Variants in OGDH observed in about 807,000 individuals in gnomAD.
OGDH encodes oxoglutarate dehydrogenase.
In OGDH, 38 loss-of-function variants were observed where a neutral mutation model predicts 116.6. That is an observed-to-expected ratio of 0.33 (90% CI 0.25 to 0.43). OGDH has a LOEUF of 0.43. Among genes scored for constraint, OGDH ranks in the 20% least tolerant of loss-of-function variants. The probability of loss-of-function intolerance (pLI) is 1.00; values close to 1 mark genes in which losing one functional copy is unlikely to be tolerated. For synonymous variants in OGDH, 488 were observed against 533.3 expected (o/e 0.92, Z 1.17); for missense variants, 825 against 1,357.2 (o/e 0.61, Z 6.16).
intron 4 of OGDH, among the ~76,000 whole-genome samples, chr7:44,657,639 C>T (rs1786750206): frequency 1.3e-5 from 2 of 152,156 alleles, no homozygotes; most frequent in South Asian, 4.1e-4. Flanking sequence ...AGCTTGATGA[C>T]ATCCAGTTTA....
At chr7:44,626,893 G>A (rs139885417) in intron 2 of OGDH, among the ~76,000 whole-genome samples, 6 of 152,308 alleles carry the variant, frequency 3.9e-5, no homozygotes, top group Non-Finnish European at 5.9e-5. Flanking sequence ...CATCCAGCAC[G>A]GACTTCATCA....
At chr7:44,674,069 C>A in intron 6 of OGDH, 128 bp downstream of exon 6, 1 of 1,061,840 alleles carries the variant, frequency 9.4e-7, no homozygotes, top group Non-Finnish European at 1.4e-6. Flanking sequence ...ACAGGCAAAG[C>A]TCCATCTGCA....
intron 10 of OGDH, among the ~76,000 whole-genome samples, chr7:44,686,833 G>A (rs568808616): frequency 7.6e-4 from 115 of 151,192 alleles, no homozygotes; most frequent in African/African-American, 2.7e-3. Context: ...GACTACAGGC[G>A]CCTGCCACCA....
chr7:44,667,486 CCT>C (rs763505460), intron 5 of OGDH, among the ~76,000 whole-genome samples: 4 of 152,174 alleles, frequency 2.6e-5, no homozygotes, highest in Non-Finnish European at 5.9e-5. Context: ...ACTCTTCTTT[CCT>C]CTCTCCCTCT....
intron 4 of OGDH, among the ~76,000 whole-genome samples, chr7:44,664,960 A>C (rs1787117336): frequency 6.6e-6 from 1 of 152,180 alleles, no homozygotes; most frequent in East Asian, 1.9e-4. Context: ...CAACCAATAC[A>C]CAGCGCTTAT....
chr7:44,653,806 G>T (rs550707446), intron 4 of OGDH, among the ~76,000 whole-genome samples: 2 of 151,308 alleles, frequency 1.3e-5, no homozygotes, highest in South Asian at 2.1e-4. Context: ...GATTACAGGC[G>T]TGAGCCACTG....
At position 44,697,725 on chromosome 7, in the gene OGDH, C is replaced by T. The variant is rs1788648609; in HGVS notation, c.2301C>T (p.Ala767=). Residue 767 remains alanine, a synonymous_variant, in exon 17 of 23, where the codon GCC becomes GCT. Coordinates refer to ENST00000222673, the MANE Select transcript of OGDH (RefSeq NM_002541.4). The surrounding 1 kb of genome is among the most constrained non-coding windows in gnomAD (Gnocchi z 6.0). ...ACCAGTTCATCTGCCCGGGACAAGC[C>T]AAGTGGGTGCGGCAGAATGGCATCG... ...IIDQFICPGQ[A]KWVRQNGIVL... is the part of the protein sequence containing the mutation. The T allele has an allele frequency of 2.5e-6, 4 of 1,614,112 alleles. No homozygotes were observed. In the South Asian group the frequency reaches 4.4e-5, roughly 18 times the overall value.
intron 1 of OGDH, among the ~76,000 whole-genome samples, chr7:44,616,596 T>C (rs1784776624): frequency 6.7e-6 from 1 of 149,798 alleles, no homozygotes; most frequent in Non-Finnish European, 1.5e-5. Context: ...TTGCCTTTTT[T>C]CCTAGGCTAC....
chr7:44,679,356 G>A (rs1166599766), intron 9 of OGDH, among the ~76,000 whole-genome samples: 1 of 152,140 alleles, frequency 6.6e-6, no homozygotes, highest in Non-Finnish European at 1.5e-5. Flanking sequence ...CCTCCAAGGG[G>A]GCCCCGTAAG....
chr7:44,631,845 C>T (rs1266902087), intron 2 of OGDH, among the ~76,000 whole-genome samples: 6 of 151,110 alleles, frequency 4.0e-5, no homozygotes, highest in Non-Finnish European at 8.8e-5. Flanking sequence ...TTCCCTCTTT[C>T]CTTTCTCTCT....
chr7:44,689,049 C>T (rs918461096), intron 10 of OGDH, among the ~76,000 whole-genome samples: 4 of 152,034 alleles, frequency 2.6e-5, no homozygotes, highest in African/African-American at 9.7e-5. Flanking sequence ...TGTGCCCAGC[C>T]TGTGTCTACA....
intron 20 of OGDH, among the ~76,000 whole-genome samples, chr7:44,705,054 T>C: frequency 8.3e-6 from 1 of 120,652 alleles, no homozygotes; most frequent in East Asian, 2.9e-4. Flanking sequence ...TAATTTTCTT[T>C]TTTTTTTTTT....
rs1787675023 is a variant in OGDH, at chr7:44,675,959, T to G, written c.1027-11T>G. 6.2e-7 allele frequency: 1 copy of G among 1,612,428 alleles called. No individual in the cohort carries two copies. The highest frequency in any genetic ancestry group is 8.5e-7 in the Non-Finnish European group (1 of 1,178,632). On this transcript the variant is annotated splice_polypyrimidine_tract_variant and intron_variant, in intron 8 of 22. Transcript: ENST00000222673. Reference sequence around the variant, plus strand: ...TTGGCCAGGGTGCAAATTCACTGTTTACCCCATCAGGGCTCCGGAGATGTG... The same window carrying G: ...TTGGCCAGGGTGCAAATTCACTGTTGACCCCATCAGGGCTCCGGAGATGTG...
At chr7:44,696,000 C>A in intron 12 of OGDH, 25 bp from the exon 13 acceptor site, 1 of 1,313,062 alleles carries the variant, frequency 7.6e-7, no homozygotes, top group Non-Finnish European at 1.1e-6. Context: ...GTGCCAGTCA[C>A]GCTGTGTTGT....
At chr7:44,693,778 G>A (rs1463780737) in intron 10 of OGDH, 47 bp from the exon 11 acceptor site, 1 of 1,520,542 alleles carries the variant, frequency 6.6e-7, no homozygotes, top group Non-Finnish European at 8.9e-7. Context: ...TGGTCCCTGT[G>A]CCGGCTGTGC....
chr7:44,686,046 C>CTTTTTTTTTTTTTTTTTTTTTTTTTT (rs947000633), intron 10 of OGDH, among the ~76,000 whole-genome samples: 1 of 144,836 alleles, frequency 6.9e-6, no homozygotes. Context: ...TTCTTTCTTT[C>CTTTTTTTTTTTTTTTTTTTTTTTTTT]TTTTTTTTTT....
chr7:44,670,071 C>T (rs1787366882), intron 5 of OGDH, among the ~76,000 whole-genome samples: 1 of 151,986 alleles, frequency 6.6e-6, no homozygotes, highest in South Asian at 2.1e-4. Flanking sequence ...CTGCCCTTTT[C>T]TCCTGGAGAC....
In OGDH at chr7:44,611,755, T is replaced by C. The variant is rs983951737; in HGVS notation, c.-28+5102T>C. Among the ~76,000 whole-genome samples, 95 of 152,104 alleles carry C rather than the reference T, an allele frequency of 6.2e-4. 1 individual carries two copies. Among genetic ancestry groups the C allele is most frequent in the African/African-American group, 2.2e-3 (92 of 41,528 alleles). The stretch of plus-strand genomic sequence containing the variant: ...ATTTTACATTTAAATCTATGATTCA[T>C]TTAGACTTAATTTCTTTTTTCTTTT... On this transcript the variant is annotated intron_variant, in intron 1 of 22. Coordinates refer to ENST00000222673, the MANE Select transcript of OGDH (RefSeq NM_002541.4).
At chr7:44,691,908 G>A (rs6978912) in intron 10 of OGDH, among the ~76,000 whole-genome samples, 9,503 of 149,804 alleles carry the variant, frequency 0.063, 370 homozygotes, top group Middle Eastern at 0.094. Flanking sequence ...GTGTGAACCC[G>A]GGAGGTGGAG....
Sources: allele counts gnomAD v4.1 joint callset (sites outside exome capture counted in the v4.1 genomes callset), GRCh38; gene constraint gnomAD v4.1.1; non-coding constraint Gnocchi (gnomAD v3.1); transcripts MANE v1.5; gene names NCBI Gene and HGNC (gene_info 2026-07-23, HGNC 2026-07-21).